MGLL: variants seen among roughly 807,000 people sequenced by gnomAD.
MGLL encodes the protein lysophospholipase homolog.
In MGLL, 7 loss-of-function variants were observed where a neutral mutation model predicts 29.1. That is an observed-to-expected ratio of 0.24 (90% CI 0.14 to 0.45). MGLL has a LOEUF of 0.45. MGLL is among the 20% of genes least tolerant of loss of function. The pLI is 0.99. For missense variants in MGLL, 356 were observed against 413.6 expected, an observed-to-expected ratio of 0.86 and a Z score of 1.21; for synonymous variants, 148 against 168.3, an observed-to-expected ratio of 0.88 and a Z score of 0.93.
chr3:127,733,298 C>A (rs2076183495), intron 3 of MGLL, among the ~76,000 whole-genome samples: 1 of 152,170 alleles, frequency 6.6e-6, no homozygotes, highest in African/African-American at 2.4e-5. Context: ...AATAATCCAC[C>A]CCTTGTTTAG....
intron 3 of MGLL, among the ~76,000 whole-genome samples, chr3:127,746,846 ACCCAGTCCATGGG>A (rs1378502361): frequency 6.7e-6 from 1 of 150,224 alleles, no homozygotes; most frequent in Non-Finnish European, 1.5e-5. Context: ...CACAAGATCC[ACCCAGTCCATGGG>A]CCTGGGGAGG....
At chr3:127,771,852 C>A (rs1193105011) in intron 3 of MGLL, among the ~76,000 whole-genome samples, 1 of 152,138 alleles carries the variant, frequency 6.6e-6, no homozygotes, top group Non-Finnish European at 1.5e-5. Context: ...ACACCAGGGG[C>A]AGCATGTATG....
intron 2 of MGLL, among the ~76,000 whole-genome samples, chr3:127,806,967 T>C (rs563724334): frequency 6.6e-6 from 1 of 152,368 alleles, no homozygotes; most frequent in African/African-American, 2.4e-5. Context: ...TTTCTTGTGA[T>C]GTCTTTGTTT....
At chr3:127,716,265 T>C (rs758428808) in intron 5 of MGLL, among the ~76,000 whole-genome samples, 14 of 152,384 alleles carry the variant, frequency 9.2e-5, no homozygotes, top group Non-Finnish European at 1.8e-4. Context: ...AGAAAGTCTA[T>C]GATCTCAGTT....
intron 2 of MGLL, among the ~76,000 whole-genome samples, chr3:127,792,055 G>A (rs1389748067): frequency 1.3e-5 from 2 of 152,156 alleles, no homozygotes; most frequent in Non-Finnish European, 2.9e-5. Context: ...GCGACAGAGC[G>A]AGACTCTGTC....
At chr3:127,767,070 CAA>C (rs11293851) in intron 3 of MGLL, among the ~76,000 whole-genome samples, 2 of 151,402 alleles carry the variant, frequency 1.3e-5, no homozygotes, top group East Asian at 1.9e-4. Context: ...GAGACTCTAT[CAA>C]AAAAAAAAAC....
intron 6 of MGLL, among the ~76,000 whole-genome samples, chr3:127,703,262 C>T (rs2075534311): frequency 6.6e-6 from 1 of 152,178 alleles, no homozygotes; most frequent in Admixed American, 6.5e-5. Context: ...AAAGCAGCCA[C>T]CACATTCTCT....
At chr3:127,702,717 G>A (rs1256993177) in intron 6 of MGLL, among the ~76,000 whole-genome samples, 1 of 152,114 alleles carries the variant, frequency 6.6e-6, no homozygotes, top group South Asian at 2.1e-4. Flanking sequence ...TTTTTGAGAT[G>A]GAGTCTCGCT....
intron 3 of MGLL, among the ~76,000 whole-genome samples, chr3:127,754,604 C>T (rs1348450578): frequency 6.6e-6 from 1 of 152,214 alleles, no homozygotes; most frequent in African/African-American, 2.4e-5. Flanking sequence ...CTGGGATCCA[C>T]AGCCTCTAGG....
At chr3:127,780,086 C>T (rs2077097140) in intron 3 of MGLL, among the ~76,000 whole-genome samples, 1 of 152,220 alleles carries the variant, frequency 6.6e-6, no homozygotes, top group Non-Finnish European at 1.5e-5. Flanking sequence ...TCTGCCTCAA[C>T]TCTAGATGTT....
chr3:127,796,795 A>G (rs1412246071), intron 2 of MGLL, among the ~76,000 whole-genome samples: 1 of 152,254 alleles, frequency 6.6e-6, no homozygotes, highest in Non-Finnish European at 1.5e-5. Context: ...TTATTCAACT[A>G]GAAAATTACA....
In MGLL at chr3:127,695,035, A is replaced by C; in HGVS notation, c.756T>G (p.Cys252Trp). The C allele has an allele frequency of 6.2e-7, 1 of 1,614,106 alleles. No individual in the cohort carries two copies. ...TGAGCAGGTAGGCCCCTTTGCTGTCACATAGGCGATCGGCAGAGCCCTGGA... is the reference window on the plus strand; with the variant it reads ...TGAGCAGGTAGGCCCCTTTGCTGTCCCATAGGCGATCGGCAGAGCCCTGGA... Reference protein sequence around the residue: ...LLLQGSADRLCDSKGAYLLME... With the variant: ...LLLQGSADRLWDSKGAYLLME... The change falls in exon 7 of 8, where the codon TGT becomes TGG. Residue 252 changes from cysteine to tryptophan, a missense_variant. Transcript: ENST00000265052.
At chr3:127,769,427 A>AT (rs2076912938) in intron 3 of MGLL, among the ~76,000 whole-genome samples, 1 of 152,142 alleles carries the variant, frequency 6.6e-6, no homozygotes, top group African/African-American at 2.4e-5. Context: ...AACAACTGGC[A>AT]TTTCAAAAGT....
intron 3 of MGLL, among the ~76,000 whole-genome samples, chr3:127,756,199 T>A (rs576014938): frequency 5.3e-5 from 8 of 152,354 alleles, no homozygotes; most frequent in Non-Finnish European, 8.8e-5. Flanking sequence ...GGTTTCTTGA[T>A]AAAATAATGG....
intron 2 of MGLL, among the ~76,000 whole-genome samples, chr3:127,789,281 A>G (rs912803115): frequency 3.3e-5 from 5 of 152,212 alleles, no homozygotes; most frequent in African/African-American, 9.6e-5. Flanking sequence ...GCTCAGCTTC[A>G]GGAGCCCTGG....
chr3:127,813,862 CAA>C (rs1242799239), intron 2 of MGLL, among the ~76,000 whole-genome samples: 22 of 152,196 alleles, frequency 1.4e-4, no homozygotes, highest in Admixed American at 1.4e-3. Flanking sequence ...TGCAAGTCCC[CAA>C]GGTCAGGGAC....
In MGLL at chr3:127,758,973, A is replaced by G. The variant is rs1447435348; in HGVS notation, c.262+22816T>C. ...AGTCTTGCTCTGTTGCCCAGGCTGG[A>G]GTGCAGTGGTGTGATCTAGGCTCAC... On this transcript the variant is annotated intron_variant, in intron 3 of 7. Coordinates refer to ENST00000265052, the MANE Select transcript of MGLL (RefSeq NM_007283.7). Among the ~76,000 whole-genome samples the G allele has an allele frequency of 2.9e-3, 397 of 136,002 alleles. 2 individuals are homozygous for G. The highest frequency in any genetic ancestry group is 0.011 in the African/African-American group (376 of 35,494). The allele number at this position is 136,002 out of a possible 152,430, so 89.2% of individuals were successfully genotyped here.
At chr3:127,728,319 A>G (rs948603638) in intron 3 of MGLL, among the ~76,000 whole-genome samples, 1 of 152,096 alleles carries the variant, frequency 6.6e-6, no homozygotes, top group African/African-American at 2.4e-5. Context: ...CCATCCATCC[A>G]TCCATCCATC....
chr3:127,822,429 G>C lies in MGLL; in HGVS notation c.-111C>G. On this transcript the variant is annotated 5_prime_UTR_variant, in exon 1 of 8. Transcript: ENST00000265052. ...CCCAAGGCAGCAGGAAGGCAGCTCC[G>C]AGCCCTCTTCCCGCACCCAGACCCT... is the stretch of plus-strand genomic sequence containing the variant. 2.6e-6 allele frequency: 3 copies of C among 1,167,384 alleles called. No homozygotes were observed. The highest frequency in any genetic ancestry group is 2.4e-5 in the East Asian group (1 of 41,588). The allele number at this position is 1,167,384 out of a possible 1,614,324, so 72.3% of individuals were successfully genotyped here.
Sources: gnomAD v4.1 joint callset for allele counts (sites outside exome capture counted in the v4.1 genomes callset) on GRCh38, gnomAD v4.1.1 for gene constraint, MANE v1.5 for transcripts, NCBI Gene and HGNC (gene_info 2026-07-23, HGNC 2026-07-21) for gene names.